RHBDF2: variants seen among roughly 807,000 people sequenced by gnomAD.
RHBDF2 encodes rhomboid 5 homolog 2.
A neutral mutation model predicts 95.2 loss-of-function variants in RHBDF2; 38 were observed. The ratio of observed to expected loss-of-function variants is 0.40; its 90% CI spans 0.31 to 0.52. The LOEUF is 0.52. Ranked by LOEUF, RHBDF2 falls within the 20% of genes least tolerant of loss-of-function variation. The probability of loss-of-function intolerance (pLI) is 0.56; values close to 1 mark genes in which losing one functional copy is unlikely to be tolerated. For missense variants in RHBDF2, 863 were observed against 1,137.7 expected (o/e 0.76, Z 3.47); for synonymous variants, 442 against 462.0 (o/e 0.96, Z 0.55).
chr17:76,499,802 C>T (rs1014939689), intron 1 of RHBDF2, among the ~76,000 whole-genome samples: 1 of 152,094 alleles, frequency 6.6e-6, no homozygotes, highest in Non-Finnish European at 1.5e-5. Flanking sequence ...TCTGCCCACC[C>T]TCCCAGCCCA....
At chr17:76,484,443 C>G (rs73365303) in intron 2 of RHBDF2, among the ~76,000 whole-genome samples, 1 of 151,858 alleles carries the variant, frequency 6.6e-6, no homozygotes, top group South Asian at 2.1e-4. Context: ...ATGCACGGGT[C>G]GGCGAGACAG....
At chr17:76,475,627 G>C (rs905277429) in intron 9 of RHBDF2, among the ~76,000 whole-genome samples, 1 of 150,936 alleles carries the variant, frequency 6.6e-6, no homozygotes, top group Non-Finnish European at 1.5e-5. Flanking sequence ...CTGTCACCTA[G>C]GCTGGAATGC....
chr17:76,481,366 C>T lies in RHBDF2; in HGVS notation c.150+9G>A, dbSNP rs1327818530. ...GCAGAACAGTGAGCCCCCAGGCCAG[C>T]CCCCTTACCTCAGGCAGCATGCTGT... On this transcript the variant is annotated intron_variant, in intron 3 of 18. Coordinates refer to ENST00000675367, the MANE Select transcript of RHBDF2 (RefSeq NM_001005498.4). 1 of 1,607,216 alleles carries T rather than the reference C, an allele frequency of 6.2e-7. No homozygotes were observed. Among genetic ancestry groups the T allele is most frequent in the East Asian group, 2.2e-5 (1 of 44,806 alleles).
intron 2 of RHBDF2, among the ~76,000 whole-genome samples, chr17:76,485,823 G>A (rs1027650632): frequency 1.3e-5 from 2 of 152,132 alleles, no homozygotes; most frequent in African/African-American, 4.8e-5. Context: ...CAACGTGGAC[G>A]AGCTTTGAGA....
At chr17:76,500,139 G>A (rs1381511219) in intron 1 of RHBDF2, among the ~76,000 whole-genome samples, 1 of 152,152 alleles carries the variant, frequency 6.6e-6, no homozygotes, top group Admixed American at 6.5e-5. Context: ...GGAACCTGAT[G>A]GACCAGCTGC....
At chr17:76,480,419 C>G (rs1043865926) in intron 3 of RHBDF2, among the ~76,000 whole-genome samples, 1 of 151,502 alleles carries the variant, frequency 6.6e-6, no homozygotes, top group Non-Finnish European at 1.5e-5. Flanking sequence ...GAGTCTTGCT[C>G]TGTTGCCCAG....
intron 2 of RHBDF2, among the ~76,000 whole-genome samples, chr17:76,485,424 A>AAT (rs1182284254): frequency 4.6e-5 from 7 of 150,704 alleles, no homozygotes; most frequent in African/African-American, 1.7e-4. Context: ...AAAAAAAAAA[A>AAT]AAAAAAAAAG....
chr17:76,486,077 T>TACACACACACAC (rs57942849), intron 2 of RHBDF2, among the ~76,000 whole-genome samples: 36 of 144,882 alleles, frequency 2.5e-4, no homozygotes, highest in African/African-American at 6.7e-4. Flanking sequence ...TATATATATG[T>TACACACACACAC]ACACACACAC....
Position 76,498,131 on chromosome 17 carries a change from C to T in RHBDF2, c.-220+3222G>A, listed in dbSNP as rs185271171. On this transcript the variant is annotated intron_variant, in intron 1 of 18. Coordinates refer to ENST00000675367, the MANE Select transcript of RHBDF2 (RefSeq NM_001005498.4). ...CTAGGTCTCCTGGGAGGCAAAACGA[C>T]GTTCCGGGCAGGCTTGGTTTCCCTG... is the stretch of plus-strand genomic sequence containing the variant. Among the ~76,000 whole-genome samples the T allele has an allele frequency of 7.9e-5, 12 of 152,288 alleles. No individual in the cohort carries two copies. In the East Asian group the frequency reaches 1.2e-3, roughly 15 times the overall value.
In RHBDF2 at chr17:76,478,840, T is replaced by C; in HGVS notation, c.638A>G (p.His213Arg). 1.2e-6 allele frequency: 2 copies of C among 1,613,478 alleles called. No individual in the cohort carries two copies. Among genetic ancestry groups the C allele is most frequent in the Non-Finnish European group, 1.7e-6 (2 of 1,179,786 alleles). The change falls in exon 6 of 19, where the codon CAC (histidine) becomes CGC (arginine). Residue 213 changes from histidine to arginine, a missense_variant. Coordinates refer to ENST00000675367, the MANE Select transcript of RHBDF2 (RefSeq NM_001005498.4). ...LPRRKRMSVAHMSLQAAAALL... is the reference protein window; with the variant it reads ...LPRRKRMSVARMSLQAAAALL... ...GGCAGCGGCAGCTTGCAAGCTCATG[T>C]GGGCCACAGACATTCTCTTGCGGCG...
Position 76,473,824 on chromosome 17 carries a change from G to A in RHBDF2, c.1638+15C>T, listed in dbSNP as rs764092619. ...CCCTGACCTTCCCAGACCACTCCCC[G>A]CCAGGGACACTCACCGGCCACTTAG... On this transcript the variant is annotated intron_variant, in intron 14 of 18. Transcript: ENST00000675367. The A allele has an allele frequency of 6.1e-5, 98 of 1,613,816 alleles. No individual in the cohort carries two copies. Among genetic ancestry groups the A allele is most frequent in the Non-Finnish European group, 8.0e-5 (94 of 1,179,918 alleles).
intron 4 of RHBDF2, 168 bp from the exon 5 acceptor site, chr17:76,479,445 C>G: frequency 9.7e-7 from 1 of 1,027,770 alleles, no homozygotes; most frequent in South Asian, 1.4e-5. Flanking sequence ...TGAGCAGAAG[C>G]AGGGGATGAC....
At chr17:76,485,224 A>G (rs1010100289) in intron 2 of RHBDF2, among the ~76,000 whole-genome samples, 16 of 152,234 alleles carry the variant, frequency 1.1e-4, no homozygotes, top group African/African-American at 3.6e-4. Context: ...CCTGACCAAC[A>G]TGGAGAAAGC....
intron 8 of RHBDF2, 22 bp downstream of exon 8, chr17:76,477,158 G>A: frequency 6.2e-7 from 1 of 1,611,326 alleles, no homozygotes; most frequent in Non-Finnish European, 8.5e-7. Flanking sequence ...GCCTGGAGGA[G>A]GGACTCTGCC....
At position 76,476,855 on chromosome 17, in the gene RHBDF2, GC is replaced by G; in HGVS notation, c.1089del (p.Gln364SerfsTer16). On this transcript the variant is annotated frameshift_variant, in exon 9 of 19. Transcript: ENST00000675367. LOFTEE classifies it high-confidence loss of function. ...CGGTGGCTGTCGAAGCTCTCCAGCTGCCGCTGCACAGTGCTGCTGATGCTGC... is the reference window on the plus strand; with the variant it reads ...CGGTGGCTGTCGAAGCTCTCCAGCTGCGCTGCACAGTGCTGCTGATGCTGC... ...YRRSISSTVQRQLESFDSHRP... is the reference protein window; with the variant it reads ...YRRSISSTVQXQLESFDSHRP... 6.2e-7 allele frequency: 1 copy of G among 1,610,218 alleles called. No individual in the cohort carries two copies. Among genetic ancestry groups the G allele is most frequent in the Non-Finnish European group, 8.5e-7 (1 of 1,178,958 alleles).
At chr17:76,481,235 G>A in intron 3 of RHBDF2, 140 bp downstream of exon 3, 1 of 949,852 alleles carries the variant, frequency 1.1e-6, no homozygotes, top group Admixed American at 2.5e-5. Flanking sequence ...GAGGGGGTAG[G>A]GCCCGAGTCA....
intron 2 of RHBDF2, among the ~76,000 whole-genome samples, chr17:76,485,700 A>G (rs2074108040): frequency 6.6e-6 from 1 of 152,238 alleles, no homozygotes; most frequent in Non-Finnish European, 1.5e-5. Context: ...GAGCCGGAGC[A>G]GGAAAACAGC....
At chr17:76,477,919 T>A in intron 6 of RHBDF2, 134 bp from the exon 7 acceptor site, 1 of 1,359,342 alleles carries the variant, frequency 7.4e-7, no homozygotes, top group Non-Finnish European at 9.8e-7. Flanking sequence ...GCCCAAAGCG[T>A]GGAGATTCTG....
chr17:76,483,362 C>T (rs898206136), intron 2 of RHBDF2, among the ~76,000 whole-genome samples: 8 of 149,518 alleles, frequency 5.4e-5, no homozygotes, highest in Non-Finnish European at 7.4e-5. Context: ...CTCGGCTCAC[C>T]GCAACCTCCA....
Sources: allele counts gnomAD v4.1 joint callset (sites outside exome capture counted in the v4.1 genomes callset), GRCh38; gene constraint gnomAD v4.1.1; transcripts MANE v1.5; gene names NCBI Gene and HGNC (gene_info 2026-07-23, HGNC 2026-07-21).